Variants in SETBP1 observed in about 807,000 individuals in gnomAD.
The protein encoded by SETBP1 is SET-binding protein.
Under a neutral mutation model 101.0 loss-of-function variants are expected in SETBP1, and 9 were observed. The observed-to-expected ratio is 0.09, with a 90% CI of 0.05 to 0.16. SETBP1 has a LOEUF of 0.16. Ranked by LOEUF, SETBP1 falls within the 10% of genes least tolerant of loss-of-function variation. The pLI is 1.00. For missense variants in SETBP1, 1,858 were observed against 2,033.8 expected, an observed-to-expected ratio of 0.91 and a Z score of 1.66; for synonymous variants, 818 against 788.5, an observed-to-expected ratio of 1.04 and a Z score of -0.63.
At chr18:44,834,910 T>C (rs1164097259) in intron 2 of SETBP1, among the ~76,000 whole-genome samples, 2 of 152,074 alleles carry the variant, frequency 1.3e-5, no homozygotes, top group Non-Finnish European at 1.5e-5. Context: ...GGTGCAGTTG[T>C]AGGTACTTGG....
At chr18:44,761,286 C>A (rs1358742655) in intron 2 of SETBP1, among the ~76,000 whole-genome samples, 1 of 152,128 alleles carries the variant, frequency 6.6e-6, no homozygotes, top group Admixed American at 6.6e-5. Flanking sequence ...TCAAAATTTT[C>A]TTTTCTAGCT....
chr18:44,973,159 C>T (rs1043431368), intron 4 of SETBP1, among the ~76,000 whole-genome samples: 1 of 152,122 alleles, frequency 6.6e-6, no homozygotes, highest in African/African-American at 2.4e-5. Context: ...CGTTGGTTCT[C>T]TTTATATGCT....
chr18:44,992,592 T>C (rs1174634660), intron 4 of SETBP1, among the ~76,000 whole-genome samples: 1 of 152,070 alleles, frequency 6.6e-6, no homozygotes, highest in Non-Finnish European at 1.5e-5. Flanking sequence ...TCAACATATT[T>C]GAACACTTAC....
At chr18:44,719,495 T>A (rs1320336957) in intron 2 of SETBP1, among the ~76,000 whole-genome samples, 1 of 152,048 alleles carries the variant, frequency 6.6e-6, no homozygotes, top group Non-Finnish European at 1.5e-5. Context: ...AGGAGCCTGG[T>A]CTGTGATTCT....
intron 1 of SETBP1, among the ~76,000 whole-genome samples, chr18:44,682,825 T>C (rs184216382): frequency 3.3e-5 from 5 of 152,228 alleles, no homozygotes; most frequent in East Asian, 1.9e-4. Context: ...AAACAAACTA[T>C]TGGTCTTGGG....
chr18:44,899,652 T>A (rs2069992624), intron 3 of SETBP1, among the ~76,000 whole-genome samples: 1 of 152,182 alleles, frequency 6.6e-6, no homozygotes, highest in Admixed American at 6.5e-5. Context: ...CTGAAATTCT[T>A]AATCTTTGAA....
At chr18:44,915,015 A>G (rs1035496624) in intron 3 of SETBP1, among the ~76,000 whole-genome samples, 1 of 152,104 alleles carries the variant, frequency 6.6e-6, no homozygotes. Flanking sequence ...TTAATGGTTC[A>G]GGTTGCAACT....
At chr18:44,975,813 C>A (rs1241093656) in intron 4 of SETBP1, among the ~76,000 whole-genome samples, 2 of 152,094 alleles carry the variant, frequency 1.3e-5, no homozygotes, top group Non-Finnish European at 2.9e-5. Context: ...TAACATTCTG[C>A]AGAAGATGGT....
At chr18:44,917,965 C>A (rs940582348) in intron 3 of SETBP1, among the ~76,000 whole-genome samples, 2 of 152,142 alleles carry the variant, frequency 1.3e-5, no homozygotes, top group Admixed American at 6.5e-5. Context: ...GAAAAGCCTC[C>A]TAGTGCTCAT....
chr18:44,725,841 C>T (rs2069694119), intron 2 of SETBP1, among the ~76,000 whole-genome samples: 1 of 152,128 alleles, frequency 6.6e-6, no homozygotes. Context: ...CCCACAGCCA[C>T]CAAAGCCAAT....
chr18:44,908,295 G>A (rs969417430), intron 3 of SETBP1, among the ~76,000 whole-genome samples: 6 of 151,714 alleles, frequency 4.0e-5, no homozygotes, highest in Admixed American at 6.6e-5. Context: ...TCCTCACGTC[G>A]CCACCTCGGC....
chr18:44,685,278 C>T (rs750068356), intron 1 of SETBP1, among the ~76,000 whole-genome samples: 5 of 152,232 alleles, frequency 3.3e-5, no homozygotes, highest in Non-Finnish European at 7.3e-5. Flanking sequence ...CTTGGTCCAA[C>T]TTATCTTTTC....
chr18:44,737,305 T>G (rs2069990140), intron 2 of SETBP1, among the ~76,000 whole-genome samples: 1 of 152,018 alleles, frequency 6.6e-6, no homozygotes, highest in African/African-American at 2.4e-5. Flanking sequence ...AGAAGTGGAG[T>G]GGACTGGTGT....
intron 3 of SETBP1, among the ~76,000 whole-genome samples, chr18:44,942,572 C>T (rs1221872433): frequency 6.6e-6 from 1 of 152,176 alleles, no homozygotes; most frequent in East Asian, 1.9e-4. Flanking sequence ...AAAGTACCCC[C>T]AGGCAGAAAA....
chr18:44,833,786 G>A (rs965701160), intron 2 of SETBP1, among the ~76,000 whole-genome samples: 3 of 152,180 alleles, frequency 2.0e-5, no homozygotes, highest in Non-Finnish European at 4.4e-5. Flanking sequence ...TCATGCAGTA[G>A]TTATTTTAAG....
chr18:44,684,818 TG>T (rs1331403842), intron 1 of SETBP1, among the ~76,000 whole-genome samples: 1 of 152,042 alleles, frequency 6.6e-6, no homozygotes, highest in African/African-American at 2.4e-5. Flanking sequence ...GGCTAATTTT[TG>T]TATTTTTAGT....
At chr18:44,680,486 C>A (rs2068740516), upstream of SETBP1, 1 of 152,156 alleles carries the variant, frequency 6.6e-6, no homozygotes, top group Admixed American at 6.5e-5. Flanking sequence ...CCGGGGGCGA[C>A]GTGTGTGCCC....
At chr18:44,866,084 C>T (rs991170364) in intron 2 of SETBP1, among the ~76,000 whole-genome samples, 12 of 152,192 alleles carry the variant, frequency 7.9e-5, no homozygotes, top group African/African-American at 2.9e-4. Flanking sequence ...CTATCTCTCC[C>T]TGGTGATGGA....
At chr18:44,680,181 G>A (rs1226676689), upstream of SETBP1, 1 of 143,836 alleles carries the variant, frequency 7.0e-6, no homozygotes, top group Non-Finnish European at 1.5e-5. Context: ...GGAAGCGCGG[G>A]GCCGGCCGGG....
Sources: allele counts gnomAD v4.1 joint callset (sites outside exome capture counted in the v4.1 genomes callset), GRCh38; gene constraint gnomAD v4.1.1; transcripts MANE v1.5; gene names NCBI Gene and HGNC (gene_info 2026-07-23, HGNC 2026-07-21).